Variants in GPR17 observed in about 807,000 individuals in gnomAD.
GPR17 encodes uracil nucleotide/cysteinyl leukotriene receptor.
A neutral mutation model predicts 1.5 loss-of-function variants in GPR17; 4 were observed. That is an observed-to-expected ratio of 2.73 (90% CI 1.35 to 6.25). GPR17 has a LOEUF of 6.25. Among genes scored for constraint, GPR17 ranks in the 30% most tolerant of loss-of-function variants. The pLI is 0.00. For missense variants in GPR17, 463 were observed against 462.1 expected (o/e 1.00, Z -0.02); for synonymous variants, 209 against 207.6 (o/e 1.01, Z -0.06).
In GPR17 at chr2:127,647,138, C is replaced by T. The variant is rs1358130098; in HGVS notation, c.-21+894C>T. ...CTGCCGTCACTCAGGGCCCTGAGCC[C>T]AGTAACACTCTGCCGTCACTGTCCT... On this transcript the variant is annotated intron_variant, in intron 1 of 1. Transcript: ENST00000486700. This position sits in a 1 kb window ranked among gnomAD's most constrained non-coding sequence, Gnocchi z 4.3. 6.6e-6 allele frequency among the ~76,000 whole-genome samples: 1 copy of T among 152,184 alleles called. No individual in the cohort carries two copies. Among genetic ancestry groups the T allele is most frequent in the Non-Finnish European group, 1.5e-5 (1 of 68,028 alleles).
In GPR17 at chr2:127,651,406, G is replaced by A. The variant is rs752231720; in HGVS notation, c.671G>A (p.Arg224His). ...ATCCGCAGCCTGCGGCAGGGCCTGC[G>A]TGTGGAGAAGCGCCTCAAGACCAAG... ...LIIRSLRQGLRVEKRLKTKAV... is the reference protein window; with the variant it reads ...LIIRSLRQGLHVEKRLKTKAV... Residue 224 changes from arginine (R) to histidine (H), a missense_variant, in exon 2 of 2, where the codon CGT (arginine) becomes CAT (histidine). Arg to His is a conservative substitution (Grantham distance 29). Coordinates refer to ENST00000486700, the MANE Select transcript of GPR17 (RefSeq NM_001161417.2). The A allele has an allele frequency of 8.9e-5, 144 of 1,612,824 alleles. No homozygotes were observed. Among genetic ancestry groups the A allele is most frequent in the South Asian group, 4.6e-4 (42 of 91,090 alleles).
chr2:127,646,965 T>C (rs548364915), intron 1 of GPR17, among the ~76,000 whole-genome samples: 2 of 152,256 alleles, frequency 1.3e-5, no homozygotes, highest in South Asian at 4.2e-4. Flanking sequence ...ACCAGAAAGC[T>C]GTTTAAAATG....
Position 127,650,321 on chromosome 2 carries a change from C to T in GPR17, c.-20-395C>T. On this transcript the variant is annotated intron_variant, in intron 1 of 1. Transcript: ENST00000486700. The stretch of plus-strand genomic sequence containing the variant: ...CCGGAGACACACTGCCCCCGCCCCT[C>T]ACCACCCCTGTCACTCAGACAGCAC... The T allele has an allele frequency of 3.5e-6, 2 of 564,154 alleles. 1 individual carries two copies. 34.9% of individuals were successfully genotyped at this position (564,154 alleles called of 1,614,324 possible).
intron 1 of GPR17, among the ~76,000 whole-genome samples, chr2:127,648,881 T>C (rs1246925131): frequency 6.8e-6 from 1 of 147,550 alleles, no homozygotes; most frequent in Non-Finnish European, 1.5e-5. Flanking sequence ...ATTGCACCAC[T>C]GCACTCCAGC....
At position 127,650,764 on chromosome 2, in the gene GPR17, G is replaced by A. The variant is rs766288196; in HGVS notation, c.29G>A (p.Gly10Asp). 1.9e-6 allele frequency: 3 copies of A among 1,613,684 alleles called. No homozygotes were observed. Among genetic ancestry groups the A allele is most frequent in the Non-Finnish European group, 2.5e-6 (3 of 1,179,870 alleles). MNGLEVAPP[G>D]LITNFSLATA... ...AATGGCCTTGAAGTGGCTCCCCCAG[G>A]TCTGATCACCAACTTCTCCCTGGCC... Residue 10 changes from glycine to aspartate, a missense_variant, in exon 2 of 2, where the codon GGT (glycine) becomes GAT (aspartate). Physicochemically the swap from Gly to Asp is moderately conservative, Grantham distance 94. Coordinates refer to ENST00000486700, the MANE Select transcript of GPR17 (RefSeq NM_001161417.2).
intron 1 of GPR17, among the ~76,000 whole-genome samples, chr2:127,649,322 C>T (rs1468033026): frequency 6.6e-6 from 1 of 152,182 alleles, no homozygotes; most frequent in Non-Finnish European, 1.5e-5. Context: ...GCCCGTGCCT[C>T]CTCCCCTCCT....
At chr2:127,646,548 G>C (rs959348918) in intron 1 of GPR17, 2 of 152,286 alleles carry the variant, frequency 1.3e-5, no homozygotes, top group Non-Finnish European at 2.9e-5. Context: ...CCAGATGCCT[G>C]GGAGAGGGCT....
intron 1 of GPR17, chr2:127,650,161 G>A: frequency 1.6e-6 from 2 of 1,267,430 alleles, no homozygotes; most frequent in South Asian, 1.3e-5. Context: ...CCAGGGGCAA[G>A]CCATGGTCAG....
At chr2:127,648,036 C>A in intron 1 of GPR17, 1 of 985,896 alleles carries the variant, frequency 1.0e-6, no homozygotes, top group South Asian at 4.7e-5. Flanking sequence ...GCATCACTCA[C>A]CCCGCCTTCT....
At chr2:127,648,084 A>T in intron 1 of GPR17, 1 of 985,506 alleles carries the variant, frequency 1.0e-6, no homozygotes, top group African/African-American at 1.7e-5. Flanking sequence ...TGGTTTTAGC[A>T]GTCCTAGGGA....
chr2:127,652,046 T>C lies in GPR17; in HGVS notation c.*291T>C, dbSNP rs535459685. 2 of 419,436 alleles carry C rather than the reference T, an allele frequency of 4.8e-6. No individual in the cohort carries two copies. Among genetic ancestry groups the C allele is most frequent in the Non-Finnish European group, 8.8e-6 (2 of 226,180 alleles). 26.0% of individuals were successfully genotyped at this position (419,436 alleles called of 1,614,324 possible). A position where few individuals can be genotyped will look rare whatever the true frequency, so the allele number is the denominator to read the frequency against. ...GGCCGGAAGAACAACCCCTGAACAA[T>C]GGAGGCCTTTCTTTCCCGCTAGGCT... is the stretch of plus-strand genomic sequence containing the variant. On this transcript the variant is annotated 3_prime_UTR_variant, in exon 2 of 2. Coordinates refer to ENST00000486700, the MANE Select transcript of GPR17 (RefSeq NM_001161417.2).
chr2:127,646,374 T>G (rs1558874257), intron 1 of GPR17, 130 bp downstream of exon 1: 1 of 152,228 alleles, frequency 6.6e-6, no homozygotes. Flanking sequence ...TGGTCTGACC[T>G]GTGCATCGAA....
At chr2:127,650,162 C>A in intron 1 of GPR17, 1 of 1,264,284 alleles carries the variant, frequency 7.9e-7, no homozygotes, top group Admixed American at 2.0e-5. Context: ...CAGGGGCAAG[C>A]CATGGTCAGG....
At chr2:127,650,493 T>TCCAAGC (rs1437991410) in intron 1 of GPR17, 1 of 568,452 alleles carries the variant, frequency 1.8e-6, no homozygotes, top group East Asian at 2.9e-5. Context: ...GCGGCGAAAT[T>TCCAAGC]CCAAGCCCTG....
chr2:127,649,852 C>T lies in GPR17; in HGVS notation c.-20-864C>T, dbSNP rs192775521. On this transcript the variant is annotated intron_variant, in intron 1 of 1. Transcript: ENST00000486700. Reference sequence around the variant, plus strand: ...GGGGCTGCAGATCCGTCCTCAACAGCGCTGGCCAGTGTCTCTGACGCTGGG... The same window carrying T: ...GGGGCTGCAGATCCGTCCTCAACAGTGCTGGCCAGTGTCTCTGACGCTGGG... 2.5e-3 allele frequency: 1,644 copies of T among 648,294 alleles called. 22 individuals carry two copies. In the East Asian group the frequency reaches 0.026, roughly 10 times the overall value. The allele number at this position is 648,294 out of a possible 1,614,324, so 40.2% of individuals were successfully genotyped here. A position where few individuals can be genotyped will look rare whatever the true frequency, so the allele number is the denominator to read the frequency against.
intron 1 of GPR17, chr2:127,650,397 G>A (rs1238430300): frequency 1.7e-5 from 9 of 533,722 alleles, no homozygotes; most frequent in Non-Finnish European, 3.0e-5. Flanking sequence ...CAAGGCTCAC[G>A]TCCCATTCCC....
At chr2:127,648,129 G>A in intron 1 of GPR17, 3 of 985,486 alleles carry the variant, frequency 3.0e-6, no homozygotes, top group Non-Finnish European at 3.6e-6. Context: ...CCAAGTCAGA[G>A]TACTGTGGAA....
At chr2:127,650,683 G>A in intron 1 of GPR17, 33 bp from the exon 2 acceptor site, 1 of 1,487,874 alleles carries the variant, frequency 6.7e-7, no homozygotes, top group African/African-American at 1.4e-5. Context: ...TAGATCGCAA[G>A]CTCATTGTGA....
intron 1 of GPR17, chr2:127,650,119 T>TA: frequency 6.5e-7 from 1 of 1,546,312 alleles, no homozygotes. Flanking sequence ...GGTACAGCCC[T>TA]TGCTGCCATC....
Sources: gnomAD v4.1 joint callset for allele counts (sites outside exome capture counted in the v4.1 genomes callset) on GRCh38, gnomAD v4.1.1 for gene constraint, Gnocchi (gnomAD v3.1) non-coding constraint, MANE v1.5 for transcripts, NCBI Gene and HGNC (gene_info 2026-07-23, HGNC 2026-07-21) for gene names.